Variants in GCNT1 observed in about 807,000 individuals in gnomAD.
The protein encoded by GCNT1 is beta-1,3-galactosyl-O-glycosyl-glycoprotein beta-1,6-N-acetylglucosaminyltransferase.
In GCNT1, 16 loss-of-function variants were observed where a neutral mutation model predicts 26.2. The observed-to-expected ratio is 0.61, with a 90% CI of 0.41 to 0.93. The LOEUF (loss-of-function observed/expected upper bound fraction) is 0.93. Among genes scored for constraint, GCNT1 ranks in the 40% least tolerant of loss-of-function variants. The probability of loss-of-function intolerance (pLI) is 0.00; values close to 1 mark genes in which losing one functional copy is unlikely to be tolerated. For missense variants in GCNT1, 477 were observed against 526.7 expected, an observed-to-expected ratio of 0.91 and a Z score of 0.92; for synonymous variants, 183 against 190.8, an observed-to-expected ratio of 0.96 and a Z score of 0.34.
chr9:76,502,246 C>T lies in GCNT1; in HGVS notation c.-136C>T. 2.1e-6 allele frequency: 1 copy of T among 467,374 alleles called. No individual in the cohort carries two copies. The highest frequency in any genetic ancestry group is 3.8e-6 in the Non-Finnish European group (1 of 260,676). The allele number at this position is 467,374 out of a possible 1,614,324, so 29.0% of individuals were successfully genotyped here. A position where few individuals can be genotyped will look rare whatever the true frequency, so the allele number is the denominator to read the frequency against. On this transcript the variant is annotated 5_prime_UTR_variant, in exon 4 of 4. Transcript: ENST00000376730. ...TTGCTTCTTTTATTTCAGTGCTGCT[C>T]TTCATTTCAAGATGCCGTTGCAGCT...
chr9:76,410,680 C>A, the GCNT1 span, among the ~76,000 whole-genome samples: 1 of 152,100 alleles, frequency 6.6e-6, no homozygotes, highest in Non-Finnish European at 1.5e-5. Context: ...TATCTTGTTC[C>A]ATTTGAGTCT....
At position 76,505,556 on chromosome 9, in the gene GCNT1, C is replaced by G. The variant is rs923565537; in HGVS notation, c.*1888C>G. 1 of 166,606 alleles carries G rather than the reference C, an allele frequency of 6.0e-6. No individual in the cohort carries two copies. The highest frequency in any genetic ancestry group is 1.5e-5 in the Non-Finnish European group (1 of 68,126). 10.3% of individuals were successfully genotyped at this position (166,606 alleles called of 1,614,324 possible). On this transcript the variant is annotated 3_prime_UTR_variant, in exon 4 of 4. Transcript: ENST00000376730. Reference sequence around the variant, plus strand: ...CCTTTTAACTCTAAAACTAGTGATACTCAGTGACATAGACTTTGTCTTATA... The same window carrying G: ...CCTTTTAACTCTAAAACTAGTGATAGTCAGTGACATAGACTTTGTCTTATA...
the GCNT1 span, chr9:76,394,136 C>A: frequency 6.2e-7 from 1 of 1,609,886 alleles, no homozygotes. Context: ...AGCCCCGCAC[C>A]ACTTGACCCC....
intron 2 of GCNT1, among the ~76,000 whole-genome samples, chr9:76,462,767 C>G (rs999466747): frequency 4.6e-5 from 7 of 152,116 alleles, no homozygotes; most frequent in Admixed American, 1.3e-4. Flanking sequence ...GATAACTAAA[C>G]CAGTGTTCTT....
rs371101746 is a variant in GCNT1, at chr9:76,467,450, G to A, written c.-290+7273G>A. On this transcript the variant is annotated intron_variant, in intron 2 of 3. Coordinates refer to ENST00000376730, the MANE Select transcript of GCNT1 (RefSeq NM_001490.5). ...ATGCAGGTTCATGTTCCATGTCATG[G>A]TTCTCGGTGTTGGCTATACATTAGG... 2.8e-3 allele frequency among the ~76,000 whole-genome samples: 422 copies of A among 152,162 alleles called. 2 individuals are homozygous for A. The highest frequency in any genetic ancestry group is 9.7e-3 in the African/African-American group (402 of 41,504).
upstream of GCNT1, chr9:76,459,086 G>C (rs1263518202): frequency 1.3e-5 from 2 of 152,348 alleles, no homozygotes; most frequent in Non-Finnish European, 2.9e-5. Context: ...TCCGCAGCAA[G>C]TCCCCAGCCC....
chr9:76,419,052 T>C (rs1212521895), upstream of GCNT1, among the ~76,000 whole-genome samples: 3 of 152,204 alleles, frequency 2.0e-5, no homozygotes. Context: ...CTGCTTCTTT[T>C]AGTTCAGTAT....
upstream of GCNT1, among the ~76,000 whole-genome samples, chr9:76,454,355 G>A (rs912056935): frequency 2.2e-5 from 3 of 139,328 alleles, no homozygotes; most frequent in African/African-American, 8.3e-5. Context: ...CTCCAGCCTG[G>A]GCAACAAGAG....
At chr9:76,401,984 G>A in the GCNT1 span, among the ~76,000 whole-genome samples, 1 of 152,186 alleles carries the variant, frequency 6.6e-6, no homozygotes, top group Non-Finnish European at 1.5e-5. Flanking sequence ...GCAAATTGTG[G>A]GAAGGCAAAA....
chr9:76,421,324 G>A (rs1823187433), intron 1 of GCNT1, among the ~76,000 whole-genome samples: 1 of 152,024 alleles, frequency 6.6e-6, no homozygotes, highest in African/African-American at 2.4e-5. Flanking sequence ...TGTTGGCTGG[G>A]CACAGTGGCT....
Position 76,503,618 on chromosome 9 carries a change from T to C in GCNT1, c.1237T>C (p.Cys413Arg). ...DVDVDLFAIQCLDEHLRHKAL... is the reference protein window; with the variant it reads ...DVDVDLFAIQRLDEHLRHKAL... The stretch of plus-strand genomic sequence containing the variant: ...GGATGTTGACCTCTTTGCCATCCAG[T>C]GTTTGGATGAGCATTTGAGACACAA... Residue 413 changes from cysteine (C) to arginine (R), a missense_variant, in exon 4 of 4, where the codon TGT (cysteine) becomes CGT (arginine). Cys to Arg is a radical substitution (Grantham distance 180). Coordinates refer to ENST00000376730, the MANE Select transcript of GCNT1 (RefSeq NM_001490.5). 2 of 1,613,984 alleles carry C rather than the reference T, an allele frequency of 1.2e-6. No homozygotes were observed. Among genetic ancestry groups the C allele is most frequent in the Non-Finnish European group, 1.7e-6 (2 of 1,179,918 alleles).
chr9:76,413,662 T>TTTTG, the GCNT1 span, among the ~76,000 whole-genome samples: 2 of 114,478 alleles, frequency 1.7e-5, no homozygotes, highest in African/African-American at 6.5e-5. Context: ...TGTTTTTTTT[T>TTTTG]TTTTTGTTTT....
chr9:76,428,300 A>G (rs1823286539), intron 1 of GCNT1, among the ~76,000 whole-genome samples: 1 of 150,292 alleles, frequency 6.7e-6, no homozygotes, highest in African/African-American at 2.4e-5. Flanking sequence ...CTTAAAAAAA[A>G]AAAGAGAGAG....
chr9:76,417,646 G>C (rs7849779), upstream of GCNT1, among the ~76,000 whole-genome samples: 1,564 of 152,288 alleles, frequency 0.01, 35 homozygotes, highest in African/African-American at 0.035. Context: ...TTTGGTGGGT[G>C]GGGGAGCCAA....
the GCNT1 span, among the ~76,000 whole-genome samples, chr9:76,396,770 G>T: frequency 1.3e-5 from 2 of 152,178 alleles, no homozygotes; most frequent in African/African-American, 4.8e-5. Flanking sequence ...CGAACCTGGC[G>T]GCAGTTGCAG....
chr9:76,492,244 G>A (rs1483282793), intron 2 of GCNT1, among the ~76,000 whole-genome samples: 3 of 152,114 alleles, frequency 2.0e-5, no homozygotes, highest in Non-Finnish European at 4.4e-5. Context: ...GACAACAAAT[G>A]GGTAACTTGT....
At chr9:76,458,898 G>T (rs556790384), upstream of GCNT1, among the ~76,000 whole-genome samples, 2 of 152,240 alleles carry the variant, frequency 1.3e-5, no homozygotes, top group Non-Finnish European at 1.5e-5. Flanking sequence ...AGCATTTCTC[G>T]AGTTTCCTGC....
chr9:76,446,432 T>C (rs1389135004), intron 1 of GCNT1, among the ~76,000 whole-genome samples: 1 of 152,192 alleles, frequency 6.6e-6, no homozygotes, highest in Non-Finnish European at 1.5e-5. Flanking sequence ...TCTCCTATCC[T>C]TTATCAAGGT....
the GCNT1 span, among the ~76,000 whole-genome samples, chr9:76,410,922 C>T: frequency 6.6e-6 from 1 of 152,172 alleles, no homozygotes; most frequent in African/African-American, 2.4e-5. Flanking sequence ...AAATTGAGCC[C>T]TTTATCCATT....
Sources: gnomAD v4.1 joint callset for allele counts (sites outside exome capture counted in the v4.1 genomes callset) on GRCh38, gnomAD v4.1.1 for gene constraint, MANE v1.5 for transcripts, NCBI Gene and HGNC (gene_info 2026-07-23, HGNC 2026-07-21) for gene names.